The following LRCH1 variants were observed in gnomAD, a reference collection of about 807,000 sequenced individuals.
The protein encoded by LRCH1 is leucine rich repeats and calponin homology domain containing 1, also known as leucine-rich repeat and calponin homology domain-containing protein 1.
Under a neutral mutation model 94.9 loss-of-function variants are expected in LRCH1, and 23 were observed. The observed-to-expected ratio is 0.24, with a 90% confidence interval of 0.17 to 0.34. LRCH1 has a LOEUF of 0.34. Among genes scored for constraint, LRCH1 ranks in the 10% least tolerant of loss-of-function variants. The probability of loss-of-function intolerance (pLI) is 1.00; values close to 1 mark genes in which losing one functional copy is unlikely to be tolerated. For synonymous variants in LRCH1, 364 were observed against 354.9 expected (o/e 1.03, Z -0.29); for missense variants, 790 against 945.9 (o/e 0.84, Z 2.16).
chr13:46,682,102 G>A (rs930798329), intron 4 of LRCH1, among the ~76,000 whole-genome samples: 1 of 152,146 alleles, frequency 6.6e-6, no homozygotes, highest in African/African-American at 2.4e-5. Flanking sequence ...GTGGACGTGG[G>A]TGTGTTAGTT....
At chr13:46,752,435 G>C (rs895435098) in exon 19 of LRCH1, 4 of 152,250 alleles carry the variant, frequency 2.6e-5, no homozygotes, top group Admixed American at 6.5e-5. Context: ...TGGGAAGATG[G>C]GGGGAGGTTT....
At chr13:46,622,102 A>G (rs929450139) in intron 1 of LRCH1, among the ~76,000 whole-genome samples, 1 of 152,204 alleles carries the variant, frequency 6.6e-6, no homozygotes, top group Non-Finnish European at 1.5e-5. Flanking sequence ...GGAATGTGCC[A>G]ATAGGAGTTG....
At position 46,687,767 on chromosome 13, in the gene LRCH1, T is replaced by A. The variant is rs1360072631; in HGVS notation, c.823-85T>A. 9.7e-6 allele frequency: 11 copies of A among 1,136,780 alleles called. No individual in the cohort carries two copies. In the East Asian group the frequency reaches 2.9e-4, roughly 30 times the overall value. 70.4% of individuals were successfully genotyped at this position (1,136,780 alleles called of 1,614,324 possible). A position where few individuals can be genotyped will look rare whatever the true frequency, so the allele number is the denominator to read the frequency against. Reference sequence around the variant, plus strand: ...GTTACTTAAAATGAAACTGGGAAAATTGAAATATACAGAGTAAGGATTTGA... The same window carrying A: ...GTTACTTAAAATGAAACTGGGAAAAATGAAATATACAGAGTAAGGATTTGA... On this transcript the variant is annotated intron_variant, in intron 5 of 19. Transcript: ENST00000389797.
intron 1 of LRCH1, among the ~76,000 whole-genome samples, chr13:46,602,970 A>ACATGCATG (rs10655429): frequency 1.5e-5 from 2 of 136,146 alleles, no homozygotes; most frequent in African/African-American, 6.3e-5. Flanking sequence ...ATGCATACAT[A>ACATGCATG]CATGCATGCA....
intron 2 of LRCH1, among the ~76,000 whole-genome samples, chr13:46,662,977 G>A (rs1218941685): frequency 6.6e-6 from 1 of 152,122 alleles, no homozygotes; most frequent in African/African-American, 2.4e-5. Context: ...TGTTTGGAGT[G>A]TGAAATTGAT....
chr13:46,589,326 G>A (rs922124620), intron 1 of LRCH1, among the ~76,000 whole-genome samples: 3 of 152,148 alleles, frequency 2.0e-5, no homozygotes, highest in African/African-American at 7.2e-5. Context: ...ACTGTGCCTG[G>A]CCTAAGTTCT....
At chr13:46,697,032 C>T (rs1005874525) in intron 9 of LRCH1, among the ~76,000 whole-genome samples, 1 of 152,196 alleles carries the variant, frequency 6.6e-6, no homozygotes, top group Non-Finnish European at 1.5e-5. Flanking sequence ...TGCACCACTG[C>T]ACTCCAGCCT....
chr13:46,596,635 G>T (rs1044501352), intron 1 of LRCH1, among the ~76,000 whole-genome samples: 1 of 152,208 alleles, frequency 6.6e-6, no homozygotes, highest in African/African-American at 2.4e-5. Flanking sequence ...GCTACATTGA[G>T]ATGACATGTT....
Position 46,743,008 on chromosome 13 carries a change from T to C in LRCH1, c.*1160T>C. On this transcript the variant is annotated 3_prime_UTR_variant, in exon 20 of 20. Coordinates refer to ENST00000389797, the MANE Select transcript of LRCH1 (RefSeq NM_001164211.2). ...GCATTTAAAAGGAAAAAAAAGAATT[T>C]TATCTTAGCCAGAATGTCCCTGGAT... 1.0e-6 allele frequency: 1 copy of C among 985,432 alleles called. No homozygotes were observed. The highest frequency in any genetic ancestry group is 1.2e-6 in the Non-Finnish European group (1 of 829,920). 61.0% of individuals were successfully genotyped at this position (985,432 alleles called of 1,614,324 possible).
chr13:46,721,633 T>G (rs1267673490), intron 16 of LRCH1, among the ~76,000 whole-genome samples: 1 of 152,170 alleles, frequency 6.6e-6, no homozygotes, highest in Non-Finnish European at 1.5e-5. Flanking sequence ...CTACGTCCTG[T>G]GAGGTTTGGG....
exon 19 of LRCH1, chr13:46,752,789 G>A (rs1180515832): frequency 5.3e-5 from 8 of 151,884 alleles, no homozygotes; most frequent in African/African-American, 1.9e-4. Flanking sequence ...TATTTCTTTT[G>A]ATATTAATTT....
At chr13:46,678,576 T>A (rs1230214859) in intron 3 of LRCH1, among the ~76,000 whole-genome samples, 2 of 152,220 alleles carry the variant, frequency 1.3e-5, no homozygotes, top group African/African-American at 4.8e-5. Flanking sequence ...AATGGACAAT[T>A]GGACTTTGTG....
intron 1 of LRCH1, among the ~76,000 whole-genome samples, chr13:46,589,195 C>T (rs898319691): frequency 1.3e-5 from 2 of 152,020 alleles, no homozygotes; most frequent in East Asian, 1.9e-4. Flanking sequence ...TGCCACCACA[C>T]CTGGCTAATT....
chr13:46,689,156 T>C lies in LRCH1; in HGVS notation c.974T>C (p.Val325Ala), dbSNP rs1870768674. The C allele has an allele frequency of 3.7e-6, 6 of 1,611,224 alleles. No individual in the cohort carries two copies. In the East Asian group the frequency reaches 1.3e-4, roughly 36 times the overall value. Residue 325 changes from valine (V) to alanine (A), a missense_variant, in exon 7 of 20, where the codon GTT (valine) becomes GCT (alanine). Coordinates refer to ENST00000389797, the MANE Select transcript of LRCH1 (RefSeq NM_001164211.2). ...EDGKKDSDSGVGSDNGDKRLS... is the reference protein window; with the variant it reads ...EDGKKDSDSGAGSDNGDKRLS... ...AGCAAGAAGGATTCTGATTCGGGAG[T>C]TGGAAGTGATAATGGAGATAAGCGA... is the stretch of plus-strand genomic sequence containing the variant.
chr13:46,682,690 G>A (rs1257273746), intron 4 of LRCH1, among the ~76,000 whole-genome samples: 1 of 152,118 alleles, frequency 6.6e-6, no homozygotes, highest in Non-Finnish European at 1.5e-5. Context: ...TTGGACTAAT[G>A]TCTCACTGGT....
chr13:46,699,704 G>A (rs1326446958), intron 10 of LRCH1, among the ~76,000 whole-genome samples: 1 of 152,132 alleles, frequency 6.6e-6, no homozygotes, highest in Non-Finnish European at 1.5e-5. Flanking sequence ...CCATACAATT[G>A]CCTGAAGAAG....
intron 1 of LRCH1, among the ~76,000 whole-genome samples, chr13:46,602,978 G>GCATGCATGCATGCATACATA (rs142972823): frequency 1.3e-5 from 2 of 149,818 alleles, no homozygotes; most frequent in East Asian, 4.0e-4. Context: ...ATACATGCAT[G>GCATGCATGCATGCATACATA]CATACATACA....
At chr13:46,609,001 G>A (rs1349688985) in intron 1 of LRCH1, among the ~76,000 whole-genome samples, 1 of 152,074 alleles carries the variant, frequency 6.6e-6, no homozygotes, top group East Asian at 1.9e-4. Flanking sequence ...TTGACCTCCC[G>A]AGCTGTATGG....
At chr13:46,645,863 T>C (rs2051214254) in intron 1 of LRCH1, among the ~76,000 whole-genome samples, 1 of 152,252 alleles carries the variant, frequency 6.6e-6, no homozygotes, top group Non-Finnish European at 1.5e-5. Flanking sequence ...CTTGAAATAT[T>C]CTACGCACAT....
Sources: allele counts gnomAD v4.1 joint callset (sites outside exome capture counted in the v4.1 genomes callset), GRCh38; gene constraint gnomAD v4.1.1; transcripts MANE v1.5; gene names NCBI Gene and HGNC (gene_info 2026-07-23, HGNC 2026-07-21).